The following RRBP1 variants were observed in gnomAD, a reference collection of about 807,000 sequenced individuals.
RRBP1 encodes ribosome-binding protein 1.
Under a neutral mutation model 165.2 loss-of-function variants are expected in RRBP1, and 94 were observed. The observed-to-expected ratio is 0.57, with a 90% CI of 0.48 to 0.68. RRBP1 has a LOEUF of 0.68. Ranked by LOEUF, RRBP1 falls within the 30% of genes least tolerant of loss-of-function variation. The pLI is 0.00. For missense variants in RRBP1, 1,676 were observed against 1,763.0 expected (o/e 0.95, Z 0.88); for synonymous variants, 680 against 714.5 (o/e 0.95, Z 0.77).
chr20:17,627,290 G>T, intron 11 of RRBP1, 58 bp downstream of exon 11: 1 of 1,589,732 alleles, frequency 6.3e-7, no homozygotes, highest in Non-Finnish European at 8.6e-7. Flanking sequence ...CCCCCCAAGG[G>T]TCTTTGGTCC....
In RRBP1 at chr20:17,613,856, T is replaced by C. The variant is rs539720792; in HGVS notation, c.*326A>G. 8 of 269,328 alleles carry C rather than the reference T, an allele frequency of 3.0e-5. No individual in the cohort carries two copies. The highest frequency in any genetic ancestry group is 8.2e-5 in the East Asian group (1 of 12,172). The allele number at this position is 269,328 out of a possible 1,614,324, so 16.7% of individuals were successfully genotyped here. The stretch of plus-strand genomic sequence containing the variant: ...GCCCCACTGAAAAAACACTAAACGA[T>C]TGCACTGACAGACAGACCCCAGAGC... On this transcript the variant is annotated 3_prime_UTR_variant, in exon 25 of 25. Coordinates refer to ENST00000377813, the MANE Select transcript of RRBP1 (RefSeq NM_001365613.2).
At chr20:17,641,078 C>A (rs1029246558) in intron 5 of RRBP1, among the ~76,000 whole-genome samples, 2 of 152,192 alleles carry the variant, frequency 1.3e-5, no homozygotes, top group South Asian at 4.1e-4. Flanking sequence ...CCTCACCCTG[C>A]CCTTCCTCCA....
rs575373182 is a variant in RRBP1 at position 17,638,970 on chromosome 20, G to A, written c.2185-2241C>T. 9.2e-5 allele frequency among the ~76,000 whole-genome samples: 14 copies of A among 152,246 alleles called. No individual in the cohort carries two copies. In the East Asian group the frequency reaches 2.7e-3, roughly 29 times the overall value. On this transcript the variant is annotated intron_variant, in intron 5 of 24. Transcript: ENST00000377813. Reference sequence around the variant, plus strand: ...CCCCATCCCCAGGTAAACCCTCTGAGGGTCCCAGAGGGCCTTGGGGCTCCT... The same window carrying A: ...CCCCATCCCCAGGTAAACCCTCTGAAGGTCCCAGAGGGCCTTGGGGCTCCT...
At chr20:17,665,311 T>C (rs1288549502) in intron 2 of RRBP1, among the ~76,000 whole-genome samples, 3 of 152,222 alleles carry the variant, frequency 2.0e-5, no homozygotes, top group African/African-American at 7.2e-5. Flanking sequence ...GGGTGCTATT[T>C]GGTAACATTT....
At chr20:17,627,898 G>A (rs530595766) in intron 9 of RRBP1, among the ~76,000 whole-genome samples, 9 of 152,340 alleles carry the variant, frequency 5.9e-5, no homozygotes, top group East Asian at 1.9e-4. Flanking sequence ...TCTGAGAACC[G>A]TCAGGGTAGA....
At chr20:17,642,761 A>C (rs565185067) in intron 4 of RRBP1, among the ~76,000 whole-genome samples, 1 of 152,248 alleles carries the variant, frequency 6.6e-6, no homozygotes, top group Admixed American at 6.5e-5. Context: ...GCCAATACAG[A>C]GCCCTGCCCC....
At position 17,643,484 on chromosome 20, in the gene RRBP1, A is replaced by G. The variant is rs1039985381; in HGVS notation, c.1913-357T>C. On this transcript the variant is annotated intron_variant, in intron 3 of 24. Coordinates refer to ENST00000377813, the MANE Select transcript of RRBP1 (RefSeq NM_001365613.2). This position sits in a 1 kb window ranked among gnomAD's most constrained non-coding sequence, Gnocchi z 4.3. ...TTCTCCCTTCCTTTTTTTTCTCGCA[A>G]ATGCACTGGTCCTGTTCTCAACCTG... 1.3e-5 allele frequency among the ~76,000 whole-genome samples: 2 copies of G among 151,642 alleles called. No individual in the cohort carries two copies. The highest frequency in any genetic ancestry group is 2.9e-5 in the Non-Finnish European group (2 of 67,894).
rs2035738314 is a variant in RRBP1, at chr20:17,613,875, CCA to C, written c.*305_*306del. The C allele has an allele frequency of 8.2e-6, 3 of 367,920 alleles. No homozygotes were observed. Among genetic ancestry groups the C allele is most frequent in the Non-Finnish European group, 1.5e-5 (3 of 199,036 alleles). 22.8% of individuals were successfully genotyped at this position (367,920 alleles called of 1,614,324 possible). On this transcript the variant is annotated 3_prime_UTR_variant, in exon 25 of 25. Transcript: ENST00000377813. ...AAACGATTGCACTGACAGACAGACCCCAGAGCGCCCGGCCTCCCACACACCCA... is the reference window on the plus strand; with the variant it reads ...AAACGATTGCACTGACAGACAGACCCGAGCGCCCGGCCTCCCACACACCCA...
At chr20:17,664,396 T>C (rs1030563448) in intron 2 of RRBP1, among the ~76,000 whole-genome samples, 2 of 152,224 alleles carry the variant, frequency 1.3e-5, no homozygotes, top group South Asian at 4.1e-4. Flanking sequence ...AGCTTTCTGC[T>C]GGTAACTGAA....
chr20:17,631,768 G>A (rs551174804), intron 8 of RRBP1, among the ~76,000 whole-genome samples: 1 of 152,250 alleles, frequency 6.6e-6, no homozygotes, highest in African/African-American at 2.4e-5. Context: ...CTCCAGGACC[G>A]AAGGTCAGCA....
intron 2 of RRBP1, among the ~76,000 whole-genome samples, chr20:17,673,743 T>C (rs1394631921): frequency 2.0e-5 from 3 of 152,298 alleles, no homozygotes; most frequent in Admixed American, 6.5e-5. Context: ...CTGTACAGAA[T>C]AAGTCTCCAG....
Position 17,620,809 on chromosome 20 carries a change from TG to T in RRBP1, c.3415-3del, listed in dbSNP as rs572649164. On this transcript the variant is annotated splice_region_variant and splice_polypyrimidine_tract_variant and intron_variant, in intron 16 of 24. Transcript: ENST00000377813. The stretch of plus-strand genomic sequence containing the variant: ...CTGCAGGTCTCTGAGCATGCCCTCC[TG>T]GGGGGAAACCGAGGTGAGGCAGGGC... The T allele has an allele frequency of 2.5e-6, 4 of 1,600,926 alleles. No individual in the cohort carries two copies. The East Asian group carries it at 9.0e-5, about 36-fold the overall frequency.
chr20:17,614,215 G>A lies in RRBP1; in HGVS notation c.4200C>T (p.Asp1400=), dbSNP rs1801965. 43 of 1,613,402 alleles carry A rather than the reference G, an allele frequency of 2.7e-5. No individual in the cohort carries two copies. Among genetic ancestry groups the A allele is most frequent in the Non-Finnish European group, 3.1e-5 (37 of 1,179,964 alleles). ...AGGTGCCCTCCTTTGAGCTGCTGCC[G>A]TCCTCCTGTGAACGAAGGCAGGTGG... is the stretch of plus-strand genomic sequence containing the variant. ...KLQEQLEKAE[D]GSSSKEGTSV Residue 1400 remains aspartate, a synonymous_variant, in exon 25 of 25, where the codon GAC becomes GAT. Transcript: ENST00000377813.
In RRBP1 at chr20:17,681,022, G is replaced by A. The variant is rs1053082043; in HGVS notation, c.-98-947C>T. Among the ~76,000 whole-genome samples, 11 of 152,102 alleles carry A rather than the reference G, an allele frequency of 7.2e-5. No individual in the cohort carries two copies. In the East Asian group the frequency reaches 2.0e-3, roughly 27 times the overall value. Reference sequence around the variant, plus strand: ...TATCATTCGGAGAGGGGTCCCTGAAGCACTGCGGGCGCCCCACTGGAAGCG... The same window carrying A: ...TATCATTCGGAGAGGGGTCCCTGAAACACTGCGGGCGCCCCACTGGAAGCG... On this transcript the variant is annotated intron_variant, in intron 1 of 24. Coordinates refer to ENST00000377813, the MANE Select transcript of RRBP1 (RefSeq NM_001365613.2).
intron 19 of RRBP1, chr20:17,619,086 CTTTTT>C (rs11300437): frequency 1.7e-4 from 27 of 160,144 alleles, no homozygotes; most frequent in South Asian, 4.3e-4. Context: ...GTGTGCCTGG[CTTTTT>C]TTTTTTTTTT....
In RRBP1 at chr20:17,660,254, T is replaced by G; in HGVS notation, c.254A>C (p.Asp85Ala). The change falls in exon 3 of 25, where the codon GAT becomes GCT. Residue 85 changes from aspartate to alanine, a missense_variant. By Grantham distance (126) the Asp-to-Ala change is moderately radical (BLOSUM62 -2). Around this residue, in one of 5 missense-constraint regions of RRBP1, gnomAD observed 392 missense variants for 382.5 expected, o/e 1.02. Transcript: ENST00000377813. ...AGTCACATTGGGGGCTGGATCATGATCAGGTATCTTCCCATTAGGTTTCTC... is the reference window on the plus strand; with the variant it reads ...AGTCACATTGGGGGCTGGATCATGAGCAGGTATCTTCCCATTAGGTTTCTC... The part of the protein sequence containing the change: ...KEEKPNGKIP[D>A]HDPAPNVTVL... 3 of 1,610,550 alleles carry G rather than the reference T, an allele frequency of 1.9e-6. No homozygotes were observed. The South Asian group carries it at 3.3e-5, about 18-fold the overall frequency.
At chr20:17,624,276 G>A (rs1309301624) in intron 13 of RRBP1, among the ~76,000 whole-genome samples, 3 of 152,224 alleles carry the variant, frequency 2.0e-5, no homozygotes, top group South Asian at 2.1e-4. Context: ...CACTCTGTGC[G>A]CACTTAGTGC....
chr20:17,616,800 C>CCT lies in RRBP1; in HGVS notation c.3797_3798dup (p.Asp1267ArgfsTer5). 6.2e-7 allele frequency: 1 copy of CCT among 1,613,290 alleles called. No homozygotes were observed. ...GCTGGGGCCCCAGCTATGTCACCAT[C>CCT]CTCTACGTGGCTCTTCATTTCACTC... On this transcript the variant is annotated frameshift_variant, in exon 21 of 25. Transcript: ENST00000377813. LOFTEE classifies it high-confidence loss of function.
chr20:17,621,412 C>T, intron 16 of RRBP1, 46 bp downstream of exon 16: 3 of 1,496,128 alleles, frequency 2.0e-6, no homozygotes, highest in South Asian at 1.2e-5. Context: ...CTCTCCTTCC[C>T]TGCAGCCTCC....
Sources: gnomAD v4.1 joint callset for allele counts (sites outside exome capture counted in the v4.1 genomes callset) on GRCh38, gnomAD v4.1.1 for gene constraint, gnomAD v4.1.1 regional missense constraint, Gnocchi (gnomAD v3.1) non-coding constraint, MANE v1.5 for transcripts, NCBI Gene and HGNC (gene_info 2026-07-23, HGNC 2026-07-21) for gene names.